MELTF: variants seen among roughly 807,000 people sequenced by gnomAD.
The protein encoded by MELTF is antigen p97 (melanoma associated) identified by monoclonal antibodies 133.2 and 96.5.
A neutral mutation model predicts 83.7 loss-of-function variants in MELTF; 67 were observed. That is an observed-to-expected ratio of 0.80 (90% CI 0.66 to 0.98). MELTF has a LOEUF of 0.98. Ranked by LOEUF, MELTF falls within the 50% of genes least tolerant of loss-of-function variation. The pLI is 0.00. For synonymous variants in MELTF, 462 were observed against 447.6 expected (o/e 1.03, Z -0.41); for missense variants, 1,002 against 1,035.6 (o/e 0.97, Z 0.44).
rs1279634274 is a variant in MELTF, at chr3:197,023,112, A to T, written c.489T>A (p.Ala163=). ...AGCTGCCCCCAAAATAGTCGCTGAC[A>T]GCTGTGGGAAGGAGGTAGAGAGGTC... ...LSVMGCDVLK[A]VSDYFGGSCV... Residue 163 remains alanine (A), a splice_region_variant and synonymous_variant, in exon 5 of 16, where the codon GCT becomes GCA. Coordinates refer to ENST00000296350, the MANE Select transcript of MELTF (RefSeq NM_005929.6). 1 of 1,613,544 alleles carries T rather than the reference A, an allele frequency of 6.2e-7. No homozygotes were observed. The highest frequency in any genetic ancestry group is 1.7e-5 in the Admixed American group (1 of 60,020).
intron 5 of MELTF, 22 bp from the exon 6 acceptor site, chr3:197,021,493 T>A: frequency 6.2e-7 from 1 of 1,611,984 alleles, no homozygotes; most frequent in Non-Finnish European, 8.5e-7. Context: ...AAGCTGTGGG[T>A]CTGGATGGGC....
intron 7 of MELTF, among the ~76,000 whole-genome samples, chr3:197,016,624 A>G (rs1477382960): frequency 2.0e-5 from 3 of 152,242 alleles, no homozygotes; most frequent in Non-Finnish European, 2.9e-5. Context: ...GGCTGTGGCC[A>G]GGCATGGGAC....
Position 197,008,719 on chromosome 3 carries a change from A to G in MELTF, c.1688T>C (p.Leu563Pro). ...YYGYRGAFRC[L>P]VENAGDVAFV... ...GGCAACGTCACCCGCATTCTCCACC[A>G]GGCACCTGCCACACAGAGGGCAGGG... The change falls in exon 13 of 16, where the codon CTG becomes CCG. Residue 563 changes from leucine to proline, a missense_variant. By Grantham distance (98) the Leu-to-Pro change is moderately conservative. Coordinates refer to ENST00000296350, the MANE Select transcript of MELTF (RefSeq NM_005929.6). This position sits in a 1 kb window ranked among gnomAD's most constrained non-coding sequence, Gnocchi z 5.4. 1 of 1,614,080 alleles carries G rather than the reference A, an allele frequency of 6.2e-7. No individual in the cohort carries two copies. Among genetic ancestry groups the G allele is most frequent in the Non-Finnish European group, 8.5e-7 (1 of 1,179,990 alleles).
At position 197,006,723 on chromosome 3, in the gene MELTF, C is replaced by A; in HGVS notation, c.1764G>T (p.Glu588Asp). The change falls in exon 14 of 16, where the codon GAG becomes GAT. Residue 588 changes from glutamate (E) to aspartate (D), a missense_variant. Physicochemically the swap from Glu to Asp is conservative, Grantham distance 45. Transcript: ENST00000296350. This position sits in a 1 kb window ranked among gnomAD's most constrained non-coding sequence, Gnocchi z 5.4. ...CTGACCTGAGCTCAGCAGCCCAGGG[C>A]TCGGAATTGTGGCCTGAGGGGGGTA... ...VFDNTNGHNS[E>D]PWAAELRSED... The A allele has an allele frequency of 6.5e-7, 1 of 1,534,796 alleles. No individual in the cohort carries two copies. Among genetic ancestry groups the A allele is most frequent in the Non-Finnish European group, 8.7e-7 (1 of 1,143,138 alleles).
chr3:197,024,164 C>CGGGGGGGGGGG lies in MELTF; in HGVS notation c.487+138_487+139insCCCCCCCCCCC. On this transcript the variant is annotated intron_variant, in intron 4 of 15. Transcript: ENST00000296350. The surrounding 1 kb of genome is among the most constrained non-coding windows in gnomAD (Gnocchi z 5.3). Reference sequence around the variant, plus strand: ...GAGTGGAGGCGGGGGAGGCACGGGGCGGGCGGGGGCTGCTGCGCCTTCCAG... The same window carrying CGGGGGGGGGGG: ...GAGTGGAGGCGGGGGAGGCACGGGGCGGGGGGGGGGGGGGCGGGGGCTGCTGCGCCTTCCAG... 1 of 611,584 alleles carries CGGGGGGGGGGG rather than the reference C, an allele frequency of 1.6e-6. No individual in the cohort carries two copies. Among genetic ancestry groups the CGGGGGGGGGGG allele is most frequent in the Non-Finnish European group, 2.2e-6 (1 of 459,206 alleles). 37.9% of individuals were successfully genotyped at this position (611,584 alleles called of 1,614,324 possible). A position where few individuals can be genotyped will look rare whatever the true frequency, so the allele number is the denominator to read the frequency against.
intron 10 of MELTF, among the ~76,000 whole-genome samples, chr3:197,010,433 A>G (rs1425519110): frequency 2.0e-5 from 3 of 152,228 alleles, no homozygotes; most frequent in African/African-American, 7.2e-5. Flanking sequence ...AAGGTTATTG[A>G]AAGAGAGACT....
At chr3:197,025,566 C>T (rs1418448071) in intron 3 of MELTF, 2 of 152,070 alleles carry the variant, frequency 1.3e-5, no homozygotes, top group African/African-American at 4.8e-5. Context: ...TTTATTTACT[C>T]TCTGCTCTGT....
chr3:197,023,820 G>C (rs920450931), intron 4 of MELTF: 2 of 456,020 alleles, frequency 4.4e-6, no homozygotes, highest in Non-Finnish European at 8.8e-6. Context: ...GAGAGGGTGA[G>C]GCTTCCAGGC....
In MELTF at chr3:197,008,037, G is replaced by C. The variant is rs540828350; in HGVS notation, c.1750+620C>G. 6.8e-4 allele frequency among the ~76,000 whole-genome samples: 103 copies of C among 152,292 alleles called. 2 individuals are homozygous for C. Among genetic ancestry groups the C allele is most frequent in the Admixed American group, 3.7e-3 (57 of 15,308 alleles). On this transcript the variant is annotated intron_variant, in intron 13 of 15. Coordinates refer to ENST00000296350, the MANE Select transcript of MELTF (RefSeq NM_005929.6). The surrounding 1 kb of genome is among the most constrained non-coding windows in gnomAD (Gnocchi z 5.4). ...TCAAAACGGACACAGATTCCTTCAC[G>C]GAGAACAAGAAGAAGGGGAAGTGAT...
chr3:197,010,002 T>G (rs1024678464), intron 10 of MELTF, among the ~76,000 whole-genome samples, 190 bp from the exon 11 acceptor site: 1 of 152,188 alleles, frequency 6.6e-6, no homozygotes, highest in African/African-American at 2.4e-5. Flanking sequence ...GCGTCCCCTG[T>G]GAGAAGCAGC....
chr3:197,009,475 G>C lies in MELTF; in HGVS notation c.1525+143C>G. On this transcript the variant is annotated intron_variant, in intron 11 of 15. Coordinates refer to ENST00000296350, the MANE Select transcript of MELTF (RefSeq NM_005929.6). ...TGTATAGCATATGGTGGGTCCTTCT[G>C]TCCCCAGCTTATGGAGATACCTGGG... 8 of 749,474 alleles carry C rather than the reference G, an allele frequency of 1.1e-5. No individual in the cohort carries two copies. In the South Asian group the frequency reaches 1.5e-4, roughly 14 times the overall value. 46.4% of individuals were successfully genotyped at this position (749,474 alleles called of 1,614,324 possible).
intron 2 of MELTF, 98 bp downstream of exon 2, chr3:197,027,658 G>A: frequency 7.1e-7 from 1 of 1,404,686 alleles, no homozygotes; most frequent in Non-Finnish European, 9.6e-7. Context: ...GGGCCTGGCA[G>A]GGCGAGGTCG....
In MELTF at chr3:197,022,866, C is replaced by A; in HGVS notation, c.644+91G>T. ...AGCCAACATGCCACTTCCCCCTCCA[C>A]GGCCCTCTCTGGGCAAAGGTGTTTT... On this transcript the variant is annotated intron_variant, in intron 5 of 15. Coordinates refer to ENST00000296350, the MANE Select transcript of MELTF (RefSeq NM_005929.6). This position sits in a 1 kb window ranked among gnomAD's most constrained non-coding sequence, Gnocchi z 5.1. 2.4e-6 allele frequency: 3 copies of A among 1,271,240 alleles called. No homozygotes were observed. Among genetic ancestry groups the A allele is most frequent in the Non-Finnish European group, 3.3e-6 (3 of 909,682 alleles). The allele number at this position is 1,271,240 out of a possible 1,614,324, so 78.7% of individuals were successfully genotyped here.
chr3:197,021,527 TC>T (rs1719624120), intron 5 of MELTF, 56 bp from the exon 6 acceptor site: 3 of 1,549,238 alleles, frequency 1.9e-6, no homozygotes, highest in Non-Finnish European at 1.8e-6. Context: ...CTGCCCATCT[TC>T]CACCTCTGGA....
At position 197,018,871 on chromosome 3, in the gene MELTF, A is replaced by G. The variant is rs979936694; in HGVS notation, c.713-1581T>C. On this transcript the variant is annotated intron_variant, in intron 6 of 15. Transcript: ENST00000296350. ...GTTCATTTGTTTCTCGATAGAAAAG[A>G]AAATTTGCAAGAGTAACTATTAACA... is the stretch of plus-strand genomic sequence containing the variant. The G allele has an allele frequency of 3.2e-6, 3 of 932,334 alleles. No individual in the cohort carries two copies. In the African/African-American group the frequency reaches 5.3e-5, roughly 17 times the overall value. The allele number at this position is 932,334 out of a possible 1,614,324, so 57.8% of individuals were successfully genotyped here. A position where few individuals can be genotyped will look rare whatever the true frequency, so the allele number is the denominator to read the frequency against.
Position 197,019,997 on chromosome 3 carries a change from G to A in MELTF, c.712+1407C>T, listed in dbSNP as rs530575022. On this transcript the variant is annotated intron_variant, in intron 6 of 15. Transcript: ENST00000296350. ...GAAGGGTCTGCCCCATCAAGATCTC[G>A]ATTGTGGTGGTGGTTATACAACTGC... Among the ~76,000 whole-genome samples, 4 of 152,300 alleles carry A rather than the reference G, an allele frequency of 2.6e-5. No individual in the cohort carries two copies. The South Asian group carries it at 8.3e-4, about 32-fold the overall frequency.
At chr3:197,023,834 C>T (rs757722791) in intron 4 of MELTF, 62 of 456,526 alleles carry the variant, frequency 1.4e-4, no homozygotes, top group Admixed American at 4.7e-5. Context: ...TCCAGGCTCT[C>T]GCGGGTTTAC....
At chr3:197,013,753 C>T (rs1719263494) in intron 9 of MELTF, among the ~76,000 whole-genome samples, 1 of 152,210 alleles carries the variant, frequency 6.6e-6, no homozygotes, top group Admixed American at 6.5e-5. Flanking sequence ...AAAATGCCAG[C>T]AGCCATCACT....
chr3:197,003,779 G>T lies in MELTF; in HGVS notation c.2137+122C>A, dbSNP rs565832929. On this transcript the variant is annotated intron_variant, in intron 15 of 15. Transcript: ENST00000296350. This position sits in a 1 kb window ranked among gnomAD's most constrained non-coding sequence, Gnocchi z 6.2. ...AAATCCTCCCGGGACACCCCACCTG[G>T]ACTGCTGCGAACGGGCCTCCACCCG... 9.2e-5 allele frequency: 97 copies of T among 1,059,382 alleles called. No individual in the cohort carries two copies. In the African/African-American group the frequency reaches 1.3e-3, roughly 14 times the overall value. 65.6% of individuals were successfully genotyped at this position (1,059,382 alleles called of 1,614,324 possible).
Sources: allele counts gnomAD v4.1 joint callset (sites outside exome capture counted in the v4.1 genomes callset), GRCh38; gene constraint gnomAD v4.1.1; non-coding constraint Gnocchi (gnomAD v3.1); transcripts MANE v1.5; gene names NCBI Gene and HGNC (gene_info 2026-07-23, HGNC 2026-07-21).